COL23A1: variants seen among roughly 807,000 people sequenced by gnomAD.
COL23A1 encodes collagen type XXIII alpha 1 chain, also known as collagen alpha-1(XXIII) chain.
Under a neutral mutation model 99.3 loss-of-function variants are expected in COL23A1, and 97 were observed. The ratio of observed to expected loss-of-function variants is 0.98; its 90% CI spans 0.83 to 1.16. The LOEUF (loss-of-function observed/expected upper bound fraction) is 1.16, where lower values mean the gene tolerates loss of function less well. COL23A1 is among the 50% of genes most tolerant of loss of function. The probability of loss-of-function intolerance (pLI) is 0.00; values close to 1 mark genes in which losing one functional copy is unlikely to be tolerated. For missense variants in COL23A1, 762 were observed against 757.4 expected (o/e 1.01, Z -0.07); for synonymous variants, 320 against 308.2 (o/e 1.04, Z -0.40).
chr5:178,291,709 C>T (rs550879373), intron 3 of COL23A1, among the ~76,000 whole-genome samples: 7 of 151,964 alleles, frequency 4.6e-5, no homozygotes, highest in Admixed American at 3.3e-4. Context: ...CCTGGAGATG[C>T]GCTGAGGTGT....
intron 2 of COL23A1, among the ~76,000 whole-genome samples, chr5:178,381,527 T>G (rs1016734657): frequency 6.6e-6 from 1 of 152,172 alleles, no homozygotes; most frequent in Non-Finnish European, 1.5e-5. Flanking sequence ...CATCTATCCA[T>G]GCATTTGTGT....
chr5:178,491,099 G>A (rs978059509), intron 2 of COL23A1, among the ~76,000 whole-genome samples: 65 of 151,766 alleles, frequency 4.3e-4, no homozygotes, highest in African/African-American at 1.4e-3. Context: ...AGAGAGAGGA[G>A]GGGGGAAAGA....
intron 2 of COL23A1, among the ~76,000 whole-genome samples, chr5:178,478,599 G>A (rs75550525): frequency 0.095 from 14,512 of 152,210 alleles, 945 homozygotes; most frequent in Non-Finnish European, 0.15. Flanking sequence ...CCAGCTGGGC[G>A]GCAAACGTTT....
intron 2 of COL23A1, among the ~76,000 whole-genome samples, chr5:178,425,967 C>T (rs1765910577): frequency 6.6e-6 from 1 of 152,166 alleles, no homozygotes; most frequent in African/African-American, 2.4e-5. Context: ...AGAAAAGGTG[C>T]CACGGTGGGG....
intron 2 of COL23A1, among the ~76,000 whole-genome samples, chr5:178,370,045 C>G (rs1249074828): frequency 6.6e-6 from 1 of 152,186 alleles, no homozygotes; most frequent in Non-Finnish European, 1.5e-5. Flanking sequence ...CCAACCAGCA[C>G]CTAGGAAAAG....
At chr5:178,250,638 T>C (rs182135734) in intron 17 of COL23A1, among the ~76,000 whole-genome samples, 5 of 152,350 alleles carry the variant, frequency 3.3e-5, no homozygotes, top group Admixed American at 2.6e-4. Context: ...AAGAACACTT[T>C]GACTCTAAAA....
chr5:178,304,424 C>T (rs965066995), intron 3 of COL23A1, among the ~76,000 whole-genome samples: 3 of 144,730 alleles, frequency 2.1e-5, no homozygotes, highest in Admixed American at 7.2e-5. Flanking sequence ...ACATGAGAAT[C>T]GCTTGAATCT....
At chr5:178,502,257 T>C (rs550331389) in intron 2 of COL23A1, among the ~76,000 whole-genome samples, 4 of 152,224 alleles carry the variant, frequency 2.6e-5, no homozygotes, top group East Asian at 1.9e-4. Flanking sequence ...TCAGCCTCCC[T>C]AGCAGCTGGG....
intron 2 of COL23A1, among the ~76,000 whole-genome samples, chr5:178,422,548 C>T (rs1400808819): frequency 6.6e-6 from 1 of 152,124 alleles, no homozygotes; most frequent in African/African-American, 2.4e-5. Context: ...CACATCATCC[C>T]CCCGCTGTCT....
chr5:178,337,408 G>A (rs1345241296), intron 2 of COL23A1, among the ~76,000 whole-genome samples: 2 of 152,212 alleles, frequency 1.3e-5, no homozygotes, highest in East Asian at 1.9e-4. Flanking sequence ...CAGTCCAGAC[G>A]TCACCTCTCC....
chr5:178,326,204 C>T (rs1294631020), intron 2 of COL23A1, among the ~76,000 whole-genome samples: 3 of 152,144 alleles, frequency 2.0e-5, no homozygotes, highest in Non-Finnish European at 4.4e-5. Flanking sequence ...CACACGTGCT[C>T]GCGGCAAGCC....
At chr5:178,379,527 TAC>T (rs764366379) in intron 2 of COL23A1, among the ~76,000 whole-genome samples, 4 of 152,176 alleles carry the variant, frequency 2.6e-5, no homozygotes, top group Non-Finnish European at 2.9e-5. Flanking sequence ...TACTTTTGTT[TAC>T]AGTAAGCAAG....
intron 2 of COL23A1, among the ~76,000 whole-genome samples, chr5:178,467,287 A>C (rs1201998759): frequency 6.6e-6 from 1 of 152,146 alleles, no homozygotes; most frequent in East Asian, 1.9e-4. Context: ...CTCCTTGTAG[A>C]AATGTGTGGG....
chr5:178,529,654 G>C (rs753826394), intron 2 of COL23A1, among the ~76,000 whole-genome samples: 3 of 152,158 alleles, frequency 2.0e-5, no homozygotes, highest in Non-Finnish European at 4.4e-5. Flanking sequence ...GCCAAGCCCA[G>C]AGTGGACACG....
chr5:178,249,716 A>ACACTCACTCTCTCTCTCTCTCTCTCTCT, intron 18 of COL23A1, among the ~76,000 whole-genome samples: 4 of 92,810 alleles, frequency 4.3e-5, no homozygotes, highest in Non-Finnish European at 4.4e-5. Context: ...ACACACACAC[A>ACACTCACTCTCTCTCTCTCTCTCTCTCT]CTCTCTCTCT....
At position 178,468,952 on chromosome 5, in the gene COL23A1, C is replaced by T. The variant is rs941340320; in HGVS notation, c.361+91730G>A. Among the ~76,000 whole-genome samples the T allele has an allele frequency of 6.6e-6, 1 of 152,132 alleles. No homozygotes were observed. Among genetic ancestry groups the T allele is most frequent in the Non-Finnish European group, 1.5e-5 (1 of 68,026 alleles). On this transcript the variant is annotated intron_variant, in intron 2 of 28. Coordinates refer to ENST00000390654, the MANE Select transcript of COL23A1 (RefSeq NM_173465.4). The surrounding 1 kb of genome is among the most constrained non-coding windows in gnomAD (Gnocchi z 4.2). ...CTGTGGCACCCACCATCCTGGTTTCCGTCTCTATGAATTTGATGACTGGGT... is the reference window on the plus strand; with the variant it reads ...CTGTGGCACCCACCATCCTGGTTTCTGTCTCTATGAATTTGATGACTGGGT...
rs75981736 is a variant in COL23A1, at chr5:178,296,235, G to A, written c.407-5866C>T. ...TGAGAGCAGAGCCCTGGGGACTGGC[G>A]TGAAGTGCAGCCCAGATGAGACGAA... is the stretch of plus-strand genomic sequence containing the variant. On this transcript the variant is annotated intron_variant, in intron 3 of 28. Coordinates refer to ENST00000390654, the MANE Select transcript of COL23A1 (RefSeq NM_173465.4). Among the ~76,000 whole-genome samples the A allele has an allele frequency of 8.1e-4, 124 of 152,314 alleles. No homozygotes were observed. The East Asian group carries it at 0.023, about 28-fold the overall frequency.
chr5:178,456,230 T>C (rs1767784928), intron 2 of COL23A1, among the ~76,000 whole-genome samples: 1 of 152,256 alleles, frequency 6.6e-6, no homozygotes, highest in Admixed American at 6.5e-5. Context: ...TGAAGTCTTC[T>C]ATACTTCCCT....
At chr5:178,406,049 G>A (rs1764746752) in intron 2 of COL23A1, among the ~76,000 whole-genome samples, 1 of 152,210 alleles carries the variant, frequency 6.6e-6, no homozygotes, top group Admixed American at 6.5e-5. Context: ...GCTGCAGTGA[G>A]CTGAGATTGC....
Sources: allele counts gnomAD v4.1 joint callset (sites outside exome capture counted in the v4.1 genomes callset), GRCh38; gene constraint gnomAD v4.1.1; non-coding constraint Gnocchi (gnomAD v3.1); transcripts MANE v1.5; gene names NCBI Gene and HGNC (gene_info 2026-07-23, HGNC 2026-07-21).